EYS: variants seen among roughly 807,000 people sequenced by gnomAD.
The protein encoded by EYS is protein eyes shut homolog.
EYS carries 250 observed loss-of-function variants against 282.1 expected under a neutral mutation model. The ratio of observed to expected loss-of-function variants is 0.89; its 90% confidence interval spans 0.80 to 0.98. The LOEUF is 0.98. EYS is among the 50% of genes least tolerant of loss of function. The probability of loss-of-function intolerance (pLI) is 0.00; values close to 1 mark genes in which losing one functional copy is unlikely to be tolerated. For missense variants in EYS, 4,016 were observed against 3,709.0 expected, an observed-to-expected ratio of 1.08 and a Z score of -2.15; for synonymous variants, 1,355 against 1,282.9, an observed-to-expected ratio of 1.06 and a Z score of -1.20.
rs531416231 is a variant in EYS, at chr6:65,315,879, A to G, written c.1766+19101T>C. ...TCCCAATTTAACTCCCACCAGCAAT[A>G]TAAGAGACATCCTATTGCTACATAT... On this transcript the variant is annotated intron_variant, in intron 11 of 42. Coordinates refer to ENST00000503581, the MANE Select transcript of EYS (RefSeq NM_001142800.2). 4.1e-5 allele frequency among the ~76,000 whole-genome samples: 6 copies of G among 146,512 alleles called. No homozygotes were observed. The South Asian group carries it at 1.3e-3, about 33-fold the overall frequency.
intron 36 of EYS, among the ~76,000 whole-genome samples, chr6:63,816,262 G>A (rs1001435525): frequency 6.6e-6 from 1 of 152,068 alleles, no homozygotes; most frequent in Non-Finnish European, 1.5e-5. Context: ...TACTAATAGT[G>A]AGCAGGTGCC....
chr6:65,053,601 G>T (rs1247636951), intron 13 of EYS, among the ~76,000 whole-genome samples: 1 of 151,812 alleles, frequency 6.6e-6, no homozygotes, highest in African/African-American at 2.4e-5. Flanking sequence ...ATAGGTTATA[G>T]TTTGATCATT....
At chr6:63,894,002 T>C (rs1027633126) in intron 35 of EYS, among the ~76,000 whole-genome samples, 2 of 152,186 alleles carry the variant, frequency 1.3e-5, no homozygotes, top group African/African-American at 2.4e-5. Context: ...CTGAGAGACC[T>C]GACTGTGTGA....
chr6:64,969,783 C>T (rs1377901962), intron 14 of EYS, among the ~76,000 whole-genome samples: 2 of 152,178 alleles, frequency 1.3e-5, no homozygotes, highest in African/African-American at 4.8e-5. Context: ...ACTAGCCTAT[C>T]TCCACACATA....
chr6:65,144,635 G>T (rs16896343), intron 12 of EYS, among the ~76,000 whole-genome samples: 35,100 of 151,888 alleles, frequency 0.23, 4,230 homozygotes, highest in African/African-American at 0.26. Context: ...CTGTCTCCAT[G>T]ATCATAATTC....
intron 12 of EYS, among the ~76,000 whole-genome samples, chr6:65,065,492 C>T (rs35542228): frequency 0.19 from 28,590 of 151,332 alleles, 3,237 homozygotes; most frequent in South Asian, 0.25. Context: ...ACGCCATTCT[C>T]CTGCCTCAGC....
intron 19 of EYS, among the ~76,000 whole-genome samples, chr6:64,835,713 T>C (rs1266258740): frequency 6.6e-6 from 1 of 151,566 alleles, no homozygotes; most frequent in African/African-American, 2.4e-5. Context: ...TTTCAACACA[T>C]AGAGTCAATT....
chr6:65,357,538 A>G (rs1012633199), intron 8 of EYS, among the ~76,000 whole-genome samples: 15 of 152,174 alleles, frequency 9.9e-5, no homozygotes, highest in African/African-American at 3.4e-4. Context: ...GATTAATTTT[A>G]TACTGGTAGA....
chr6:64,032,141 A>C (rs1769879703), intron 33 of EYS, among the ~76,000 whole-genome samples: 1 of 152,104 alleles, frequency 6.6e-6, no homozygotes, highest in Non-Finnish European at 1.5e-5. Flanking sequence ...ACTCACTGCA[A>C]AGGTCCGCAG....
intron 5 of EYS, among the ~76,000 whole-genome samples, chr6:65,434,503 G>T (rs1768000898): frequency 6.6e-6 from 1 of 151,970 alleles, no homozygotes; most frequent in Admixed American, 6.6e-5. Context: ...TGTATTTTTA[G>T]CAGAGACGGG....
At chr6:65,183,176 A>T (rs1765434211) in intron 12 of EYS, among the ~76,000 whole-genome samples, 1 of 152,040 alleles carries the variant, frequency 6.6e-6, no homozygotes, top group South Asian at 2.1e-4. Context: ...AATAAAGGAC[A>T]GTATTTTTTC....
chr6:65,329,745 G>T, intron 11 of EYS: 1 of 974,492 alleles, frequency 1.0e-6, no homozygotes, highest in Non-Finnish European at 1.2e-6. Context: ...ATAATTATTA[G>T]ACTTTTGGGA....
chr6:64,613,507 T>C (rs557238848), intron 24 of EYS, among the ~76,000 whole-genome samples: 2 of 152,214 alleles, frequency 1.3e-5, no homozygotes, highest in African/African-American at 4.8e-5. Context: ...TCTTAGATTT[T>C]TAAGAAAATT....
chr6:64,933,976 G>A (rs1398438135), intron 15 of EYS, among the ~76,000 whole-genome samples: 1 of 151,902 alleles, frequency 6.6e-6, no homozygotes, highest in East Asian at 1.9e-4. Context: ...GCCTGTTGGG[G>A]GGTCAGGGGG....
At chr6:64,824,805 C>G in intron 19 of EYS, among the ~76,000 whole-genome samples, 1 of 151,828 alleles carries the variant, frequency 6.6e-6, no homozygotes, top group East Asian at 1.9e-4. Context: ...CTCAGTTTAG[C>G]TAGAGACAGC....
At chr6:65,083,551 A>T (rs1250022524) in intron 12 of EYS, among the ~76,000 whole-genome samples, 3 of 152,044 alleles carry the variant, frequency 2.0e-5, no homozygotes, top group African/African-American at 7.2e-5. Flanking sequence ...GTAGCAGATA[A>T]AATAAAATAC....
At chr6:65,481,994 T>G (rs1275841186) in intron 5 of EYS, among the ~76,000 whole-genome samples, 1 of 152,188 alleles carries the variant, frequency 6.6e-6, no homozygotes, top group African/African-American at 2.4e-5. Flanking sequence ...ACTCAGTTCT[T>G]TATCTGGATG....
chr6:64,732,307 TAAA>T (rs112329306), intron 22 of EYS, among the ~76,000 whole-genome samples: 14 of 141,622 alleles, frequency 9.9e-5, no homozygotes, highest in African/African-American at 3.6e-4. Flanking sequence ...CTTAAAGTAT[TAAA>T]AAAAAAAAAA....
intron 41 of EYS, among the ~76,000 whole-genome samples, chr6:63,745,257 C>T (rs1769184988): frequency 1.3e-5 from 2 of 152,144 alleles, no homozygotes; most frequent in Non-Finnish European, 2.9e-5. Flanking sequence ...AAGATACACT[C>T]AGTGAAAGGG....
Sources: allele counts gnomAD v4.1 joint callset (sites outside exome capture counted in the v4.1 genomes callset), GRCh38; gene constraint gnomAD v4.1.1; transcripts MANE v1.5; gene names NCBI Gene and HGNC (gene_info 2026-07-23, HGNC 2026-07-21).